The following NUBPL variants were observed in gnomAD, a reference collection of about 807,000 sequenced individuals.
NUBPL encodes the protein iron-sulfur cluster transfer protein NUBPL.
Under a neutral mutation model 45.7 loss-of-function variants are expected in NUBPL, and 31 were observed. That is an observed-to-expected ratio of 0.68 (90% CI 0.51 to 0.92). The LOEUF is 0.92. NUBPL is among the 40% of genes least tolerant of loss of function. The pLI, the probability that NUBPL is intolerant of heterozygous loss-of-function variation, is 0.00. For synonymous variants in NUBPL, 144 were observed against 140.9 expected, an observed-to-expected ratio of 1.02 and a Z score of -0.15; for missense variants, 401 against 398.7, an observed-to-expected ratio of 1.01 and a Z score of -0.05.
At chr14:31,844,446 C>A (rs560648496) in intron 8 of NUBPL, 1 of 152,288 alleles carries the variant, frequency 6.6e-6, no homozygotes, top group South Asian at 2.1e-4. Flanking sequence ...ATGTTTCTCT[C>A]TAGCTTTCTG....
intron 8 of NUBPL, among the ~76,000 whole-genome samples, chr14:31,834,937 C>T (rs915658207): frequency 1.3e-4 from 20 of 152,114 alleles, no homozygotes; most frequent in African/African-American, 4.6e-4. Flanking sequence ...ACATCATGGA[C>T]TATCACAGGG....
At chr14:31,831,449 A>G (rs1232779947) in intron 8 of NUBPL, among the ~76,000 whole-genome samples, 3 of 115,534 alleles carry the variant, frequency 2.6e-5, no homozygotes, top group East Asian at 5.7e-4. Context: ...TTAGCATACT[A>G]TGCTATACTA....
At chr14:31,723,759 G>C (rs2037861509) in intron 6 of NUBPL, among the ~76,000 whole-genome samples, 1 of 152,168 alleles carries the variant, frequency 6.6e-6, no homozygotes, top group Non-Finnish European at 1.5e-5. Flanking sequence ...TGTTGTTGCT[G>C]TATAGGAATG....
At chr14:31,708,427 A>C (rs1409041196) in intron 6 of NUBPL, among the ~76,000 whole-genome samples, 1 of 152,196 alleles carries the variant, frequency 6.6e-6, no homozygotes, top group Non-Finnish European at 1.5e-5. Flanking sequence ...AGGGGACAAC[A>C]AATGGGTAAC....
chr14:31,572,488 C>G (rs190208230), intron 3 of NUBPL, among the ~76,000 whole-genome samples: 2 of 152,246 alleles, frequency 1.3e-5, no homozygotes, highest in Non-Finnish European at 2.9e-5. Flanking sequence ...TCTTGGCTAC[C>G]CTCAGCAGCT....
chr14:31,730,999 A>G (rs2038037554), intron 6 of NUBPL, among the ~76,000 whole-genome samples: 1 of 152,244 alleles, frequency 6.6e-6, no homozygotes, highest in Admixed American at 6.5e-5. Context: ...GACTCAGTGA[A>G]AATGATACAC....
At chr14:31,771,594 C>T (rs1293499426) in intron 6 of NUBPL, among the ~76,000 whole-genome samples, 1 of 152,114 alleles carries the variant, frequency 6.6e-6, no homozygotes, top group East Asian at 1.9e-4. Context: ...GATCTAAATC[C>T]CATTCCTAAT....
At chr14:31,722,906 GT>G (rs757975035) in intron 6 of NUBPL, among the ~76,000 whole-genome samples, 2 of 151,334 alleles carry the variant, frequency 1.3e-5, no homozygotes, top group African/African-American at 2.4e-5. Context: ...TCTGAAGATA[GT>G]TTTTTTTTGT....
intron 4 of NUBPL, among the ~76,000 whole-genome samples, chr14:31,631,594 C>T (rs1461240340): frequency 6.6e-6 from 1 of 151,800 alleles, no homozygotes; most frequent in Non-Finnish European, 1.5e-5. Context: ...CCCAGAAGGG[C>T]TAATGGTGTA....
At chr14:31,844,387 A>G (rs2040421210) in intron 8 of NUBPL, 1 of 152,222 alleles carries the variant, frequency 6.6e-6, no homozygotes, top group Non-Finnish European at 1.5e-5. Context: ...CCAAGCAGTG[A>G]GTGTATTATA....
chr14:31,799,551 G>A (rs1011015388), intron 7 of NUBPL, among the ~76,000 whole-genome samples: 11 of 152,178 alleles, frequency 7.2e-5, no homozygotes, highest in Admixed American at 1.3e-4. Context: ...AGCAAGTATC[G>A]TAATCAAGCA....
At chr14:31,677,997 A>C (rs1243725898) in intron 6 of NUBPL, among the ~76,000 whole-genome samples, 12 of 152,202 alleles carry the variant, frequency 7.9e-5, no homozygotes, top group Admixed American at 7.8e-4. Flanking sequence ...ACTGCTGCTG[A>C]GTTGGCAGTC....
At chr14:31,676,106 TCCGCCTC>T (rs1273890087) in intron 6 of NUBPL, among the ~76,000 whole-genome samples, 1 of 151,832 alleles carries the variant, frequency 6.6e-6, no homozygotes, top group Non-Finnish European at 1.5e-5. Context: ...CACTGCAACC[TCCGCCTC>T]CCAGGTTTAA....
intron 7 of NUBPL, among the ~76,000 whole-genome samples, chr14:31,793,072 G>C (rs953474906): frequency 1.3e-5 from 2 of 152,018 alleles, no homozygotes; most frequent in Non-Finnish European, 2.9e-5. Context: ...ACTCTTTTAA[G>C]ATACTCTGTG....
At chr14:31,608,574 A>T (rs1287555752) in intron 4 of NUBPL, among the ~76,000 whole-genome samples, 1 of 152,158 alleles carries the variant, frequency 6.6e-6, no homozygotes, top group African/African-American at 2.4e-5. Context: ...ACAAAGAAAG[A>T]TAAATAAAGA....
chr14:31,813,190 T>C (rs2039846574), intron 7 of NUBPL, among the ~76,000 whole-genome samples: 1 of 151,958 alleles, frequency 6.6e-6, no homozygotes, highest in Admixed American at 6.6e-5. Context: ...GGTTTCACCA[T>C]GTTAGCCAGG....
intron 7 of NUBPL, among the ~76,000 whole-genome samples, chr14:31,804,757 C>G (rs982408961): frequency 8.5e-5 from 13 of 152,092 alleles, no homozygotes; most frequent in African/African-American, 3.1e-4. Context: ...AGCTGGAACC[C>G]TCCCTTACAC....
intron 3 of NUBPL, among the ~76,000 whole-genome samples, chr14:31,585,734 T>C (rs2033979737): frequency 1.3e-5 from 2 of 152,218 alleles, no homozygotes; most frequent in African/African-American, 2.4e-5. Flanking sequence ...TTATAGTCAT[T>C]CTCATGGTTA....
chr14:31,712,176 T>C (rs1330686518), intron 6 of NUBPL, among the ~76,000 whole-genome samples: 1 of 152,220 alleles, frequency 6.6e-6, no homozygotes, highest in East Asian at 1.9e-4. Context: ...GAGAGCTGAT[T>C]GGTCCGTTTT....
Sources: gnomAD v4.1 joint callset for allele counts (sites outside exome capture counted in the v4.1 genomes callset) on GRCh38, gnomAD v4.1.1 for gene constraint, MANE v1.5 for transcripts, NCBI Gene and HGNC (gene_info 2026-07-23, HGNC 2026-07-21) for gene names.